The following RANBP2 variants were observed in gnomAD, a reference collection of about 807,000 sequenced individuals.
The protein encoded by RANBP2 is E3 SUMO-protein ligase RanBP2.
Under a neutral mutation model 303.6 loss-of-function variants are expected in RANBP2, and 57 were observed. The ratio of observed to expected loss-of-function variants is 0.19; its 90% confidence interval spans 0.15 to 0.23. RANBP2 has a LOEUF of 0.23. Ranked by LOEUF, RANBP2 falls within the 10% of genes least tolerant of loss-of-function variation. RANBP2 has a pLI of 1.00. For missense variants in RANBP2, 3,138 were observed against 3,780.8 expected (o/e 0.83, Z 4.46); for synonymous variants, 1,167 against 1,301.5 (o/e 0.90, Z 2.23).
At chr2:109,388,678 C>T in the RANBP2 span, among the ~76,000 whole-genome samples, 1 of 152,282 alleles carries the variant, frequency 6.6e-6, no homozygotes. Context: ...GTACTTTGCC[C>T]CCAGCACTAA....
the RANBP2 span, among the ~76,000 whole-genome samples, chr2:109,492,415 C>A: frequency 3.9e-5 from 6 of 152,082 alleles, no homozygotes; most frequent in Non-Finnish European, 8.8e-5. Flanking sequence ...CCAGTGAGAA[C>A]GGAAGTCGCA....
chr2:109,028,038 G>A, the RANBP2 span, among the ~76,000 whole-genome samples: 5 of 152,178 alleles, frequency 3.3e-5, no homozygotes, highest in African/African-American at 7.2e-5. Context: ...GGGGGGCCAA[G>A]ACAGGCAGAC....
the RANBP2 span, among the ~76,000 whole-genome samples, chr2:109,250,456 A>G: frequency 3.9e-4 from 60 of 152,106 alleles, no homozygotes; most frequent in Non-Finnish European, 6.9e-4. Flanking sequence ...ATATACTCGG[A>G]AAACTTACCA....
At chr2:109,675,008 C>T in the RANBP2 span, among the ~76,000 whole-genome samples, 66 of 152,234 alleles carry the variant, frequency 4.3e-4, no homozygotes, top group Non-Finnish European at 8.4e-4. Flanking sequence ...TTCTCTCTGT[C>T]ACCGAGGCTG....
At chr2:109,428,713 C>G in the RANBP2 span, among the ~76,000 whole-genome samples, 1 of 152,258 alleles carries the variant, frequency 6.6e-6, no homozygotes, top group Non-Finnish European at 1.5e-5. Flanking sequence ...GAAGTACCAA[C>G]CTGTGAGAAT....
the RANBP2 span, among the ~76,000 whole-genome samples, chr2:109,479,015 C>T: frequency 6.6e-6 from 1 of 152,180 alleles, no homozygotes; most frequent in Non-Finnish European, 1.5e-5. Context: ...GCTGCAGCCT[C>T]CTGGAGGTGG....
chr2:109,134,200 A>G, the RANBP2 span, among the ~76,000 whole-genome samples: 2 of 152,168 alleles, frequency 1.3e-5, no homozygotes, highest in African/African-American at 4.8e-5. Context: ...AGAGAGATTG[A>G]TATTTGGGCA....
chr2:109,736,595 T>C, the RANBP2 span, among the ~76,000 whole-genome samples: 1 of 152,124 alleles, frequency 6.6e-6, no homozygotes. Context: ...GCAGCACAGT[T>C]TCTCTCTCTA....
chr2:109,220,981 T>C, the RANBP2 span, among the ~76,000 whole-genome samples: 54 of 152,254 alleles, frequency 3.5e-4, no homozygotes, highest in Admixed American at 9.8e-4. Context: ...ATGTTCATAA[T>C]TGCATTATTC....
chr2:109,148,900 T>G, the RANBP2 span, among the ~76,000 whole-genome samples: 1 of 152,114 alleles, frequency 6.6e-6, no homozygotes, highest in Non-Finnish European at 1.5e-5. Flanking sequence ...TTCTGATTGG[T>G]GGTTTTACCC....
At chr2:109,664,036 A>C in the RANBP2 span, among the ~76,000 whole-genome samples, 1,769 of 152,266 alleles carry the variant, frequency 0.012, 32 homozygotes, top group African/African-American at 0.041. Flanking sequence ...TTCTTCTGGG[A>C]TACTTCCAAA....
the RANBP2 span, among the ~76,000 whole-genome samples, chr2:109,344,914 G>T: frequency 6.6e-6 from 1 of 152,174 alleles, no homozygotes; most frequent in African/African-American, 2.4e-5. Context: ...GATCAGAGGG[G>T]ACATCACAGG....
the RANBP2 span, among the ~76,000 whole-genome samples, chr2:109,498,240 GAT>G: frequency 6.6e-5 from 10 of 152,308 alleles, no homozygotes; most frequent in South Asian, 1.9e-3. Context: ...TGCACCCGTA[GAT>G]GCTCTGAGAC....
At chr2:108,787,981 C>T (rs1558955750), downstream of RANBP2, 2 of 1,353,580 alleles carry the variant, frequency 1.5e-6, no homozygotes, top group Admixed American at 2.4e-5. Context: ...TATTTTGAGA[C>T]AGTAAATTGA....
chr2:108,930,913 A>G, the RANBP2 span: 5 of 1,597,908 alleles, frequency 3.1e-6, no homozygotes, highest in South Asian at 3.3e-5. Context: ...AAACAGTCCA[A>G]CCATCATGAG....
At chr2:108,982,970 CAA>C in the RANBP2 span, among the ~76,000 whole-genome samples, 1 of 152,098 alleles carries the variant, frequency 6.6e-6, no homozygotes, top group Non-Finnish European at 1.5e-5. Flanking sequence ...AGCTAAAATT[CAA>C]AAAGAGTTCT....
chr2:109,462,133 T>G, the RANBP2 span, among the ~76,000 whole-genome samples: 14 of 150,464 alleles, frequency 9.3e-5, no homozygotes, highest in African/African-American at 1.5e-4. Context: ...AGTTGCTGCT[T>G]CTTGCTCACT....
chr2:109,359,316 T>G, the RANBP2 span, among the ~76,000 whole-genome samples: 1 of 152,250 alleles, frequency 6.6e-6, no homozygotes, highest in East Asian at 1.9e-4. Flanking sequence ...AAGAACTTGC[T>G]GATACTTTGA....
chr2:109,089,731 T>TTCTA, the RANBP2 span, among the ~76,000 whole-genome samples: 4 of 152,178 alleles, frequency 2.6e-5, no homozygotes, highest in African/African-American at 9.7e-5. Context: ...TTGGTTGAGT[T>TTCTA]TCAGTTCTTT....
Sources: allele counts gnomAD v4.1 joint callset (sites outside exome capture counted in the v4.1 genomes callset), GRCh38; gene constraint gnomAD v4.1.1; transcripts MANE v1.5; gene names NCBI Gene and HGNC (gene_info 2026-07-23, HGNC 2026-07-21).